The following EPSTI1 variants were observed in gnomAD, a reference collection of about 807,000 sequenced individuals.
EPSTI1 encodes the protein epithelial-stromal interaction protein 1.
EPSTI1 carries 66 observed loss-of-function variants against 49.9 expected under a neutral mutation model. The ratio of observed to expected loss-of-function variants is 1.32; its 90% CI spans 1.08 to 1.62. The LOEUF (loss-of-function observed/expected upper bound fraction) is 1.62, where lower values mean the gene tolerates loss of function less well. Ranked by LOEUF, EPSTI1 falls within the 40% of genes most tolerant of loss-of-function variation. The pLI, the probability that EPSTI1 is intolerant of heterozygous loss-of-function variation, is 0.00. For missense variants in EPSTI1, 394 were observed against 365.5 expected (o/e 1.08, Z -0.64); for synonymous variants, 137 against 130.7 (o/e 1.05, Z -0.33).
chr13:42,926,926 T>C (rs1244201213), intron 6 of EPSTI1, among the ~76,000 whole-genome samples: 1 of 151,818 alleles, frequency 6.6e-6, no homozygotes, highest in Non-Finnish European at 1.5e-5. Flanking sequence ...CAGTAGCTCT[T>C]TTCCATTTAT....
intron 6 of EPSTI1, among the ~76,000 whole-genome samples, chr13:42,942,996 T>A (rs1318326667): frequency 6.6e-6 from 1 of 152,228 alleles, no homozygotes; most frequent in African/African-American, 2.4e-5. Context: ...CCCTGATTCT[T>A]ATTTAAACAG....
intron 5 of EPSTI1, among the ~76,000 whole-genome samples, chr13:42,957,550 T>G (rs1000701524): frequency 3.3e-5 from 5 of 152,142 alleles, no homozygotes; most frequent in Non-Finnish European, 7.3e-5. Context: ...GAGTACTTAA[T>G]AGTTAATTTT....
intron 3 of EPSTI1, among the ~76,000 whole-genome samples, chr13:42,967,595 A>G (rs1284202114): frequency 6.6e-6 from 1 of 152,250 alleles, no homozygotes; most frequent in Non-Finnish European, 1.5e-5. Flanking sequence ...GTCAAGAACA[A>G]TGGAACCCTA....
intron 6 of EPSTI1, among the ~76,000 whole-genome samples, chr13:42,952,746 A>T (rs1053941773): frequency 6.6e-6 from 1 of 152,212 alleles, no homozygotes; most frequent in East Asian, 1.9e-4. Flanking sequence ...TCTCCCATCT[A>T]TTTTCTGGCC....
intron 5 of EPSTI1, among the ~76,000 whole-genome samples, chr13:42,956,550 G>C (rs1261078123): frequency 6.6e-6 from 1 of 152,174 alleles, no homozygotes; most frequent in Non-Finnish European, 1.5e-5. Flanking sequence ...AGCTCACCAA[G>C]ATTTGTACTG....
At chr13:42,934,261 T>G (rs1270141362) in intron 6 of EPSTI1, 1 of 153,408 alleles carries the variant, frequency 6.5e-6, no homozygotes, top group Non-Finnish European at 1.5e-5. Context: ...TTCTTCAAGT[T>G]TATGAATTCA....
At chr13:42,920,198 C>T (rs1003658252) in intron 7 of EPSTI1, among the ~76,000 whole-genome samples, 7 of 152,186 alleles carry the variant, frequency 4.6e-5, no homozygotes, top group African/African-American at 1.7e-4. Context: ...AGGGCTTCCA[C>T]ATAAATTTTG....
At chr13:42,957,975 T>C (rs1409898078) in intron 5 of EPSTI1, among the ~76,000 whole-genome samples, 22 of 152,258 alleles carry the variant, frequency 1.4e-4, no homozygotes, top group Admixed American at 1.4e-3. Flanking sequence ...TTTCACCATC[T>C]TGCCCAGACT....
At chr13:42,898,644 A>ATAAACT (rs60779853) in intron 9 of EPSTI1, among the ~76,000 whole-genome samples, 145,456 of 152,044 alleles carry the variant, frequency 0.96, 69,887 homozygotes, top group East Asian at 1. Context: ...TAGTATGGAA[A>ATAAACT]TAAAGAATGA....
At chr13:42,937,581 C>A (rs959410479) in intron 6 of EPSTI1, among the ~76,000 whole-genome samples, 1 of 152,212 alleles carries the variant, frequency 6.6e-6, no homozygotes, top group Non-Finnish European at 1.5e-5. Flanking sequence ...TAGTTCCCAT[C>A]TTAAGAAATC....
intron 10 of EPSTI1, among the ~76,000 whole-genome samples, chr13:42,891,207 G>A (rs977882339): frequency 6.6e-5 from 10 of 152,022 alleles, no homozygotes; most frequent in African/African-American, 2.4e-4. Context: ...TACGGTCTTT[G>A]TCTAATTTTA....
At position 42,942,454 on chromosome 13, in the gene EPSTI1, C is replaced by A. The variant is rs185121503; in HGVS notation, c.563+11494G>T. Among the ~76,000 whole-genome samples, 147 of 151,788 alleles carry A rather than the reference C, an allele frequency of 9.7e-4. 3 individuals are homozygous for A. Among genetic ancestry groups the A allele is most frequent in the Non-Finnish European group, 1.6e-4 (11 of 67,970 alleles). ...ACTTATATGTTTTTGTGTTATTTAT[C>A]CTAATTTGTACATATAATTAGCATA... On this transcript the variant is annotated intron_variant, in intron 6 of 10. Coordinates refer to ENST00000313624, the MANE Select transcript of EPSTI1 (RefSeq NM_033255.5).
At chr13:42,906,609 C>T (rs373932816) in intron 8 of EPSTI1, among the ~76,000 whole-genome samples, 22 of 152,292 alleles carry the variant, frequency 1.4e-4, no homozygotes, top group African/African-American at 4.8e-4. Context: ...TACAGAAAAG[C>T]TTTCGGGGGA....
intron 8 of EPSTI1, among the ~76,000 whole-genome samples, chr13:42,912,251 G>A (rs1300056917): frequency 6.6e-6 from 1 of 152,232 alleles, no homozygotes; most frequent in Non-Finnish European, 1.5e-5. Context: ...AGGAGCTCCA[G>A]GAGGGAATAC....
chr13:42,935,932 G>C (rs2038548110), intron 6 of EPSTI1, among the ~76,000 whole-genome samples: 1 of 152,094 alleles, frequency 6.6e-6, no homozygotes. Context: ...TTTGTTCTCA[G>C]TTCTCAGCTG....
intron 9 of EPSTI1, among the ~76,000 whole-genome samples, chr13:42,897,316 C>T (rs776015521): frequency 2.6e-5 from 4 of 152,148 alleles, no homozygotes; most frequent in Non-Finnish European, 5.9e-5. Flanking sequence ...TCTTCTTTAA[C>T]GTCACCTTGT....
chr13:42,892,142 G>C (rs1385928225), intron 10 of EPSTI1, among the ~76,000 whole-genome samples: 1 of 152,224 alleles, frequency 6.6e-6, no homozygotes, highest in Admixed American at 6.5e-5. Flanking sequence ...AATGAAGAAG[G>C]AGAGCAGCAG....
chr13:42,910,211 G>C (rs1289085212), intron 8 of EPSTI1, among the ~76,000 whole-genome samples: 3 of 133,600 alleles, frequency 2.2e-5, no homozygotes, highest in African/African-American at 8.2e-5. Flanking sequence ...AGTTTTGCTT[G>C]TATTTGAGAA....
Position 42,926,406 on chromosome 13 carries a change from T to C in EPSTI1, c.587A>G (p.Lys196Arg). The C allele has an allele frequency of 6.2e-7, 1 of 1,613,464 alleles. No individual in the cohort carries two copies. Among genetic ancestry groups the C allele is most frequent in the Non-Finnish European group, 8.5e-7 (1 of 1,179,348 alleles). Residue 196 changes from lysine (K) to arginine (R), a missense_variant, in exon 7 of 11, where the codon AAA (lysine) becomes AGA (arginine). Physicochemically the swap from Lys to Arg is conservative, Grantham distance 26. Coordinates refer to ENST00000313624, the MANE Select transcript of EPSTI1 (RefSeq NM_033255.5). ...QQYKTAEFLS[K>R]LNTESPDRSA... is the part of the protein sequence containing the mutation. ...TCTGTCTGGCGATTCTGTGTTCAGT[T>C]TGCTCAAGAACTCAGCGGTTTTGCT...
Sources: gnomAD v4.1 joint callset for allele counts (sites outside exome capture counted in the v4.1 genomes callset) on GRCh38, gnomAD v4.1.1 for gene constraint, MANE v1.5 for transcripts, NCBI Gene and HGNC (gene_info 2026-07-23, HGNC 2026-07-21) for gene names.